The following LIMA1 variants were observed in gnomAD, a reference collection of about 807,000 sequenced individuals.
LIMA1 encodes the protein LIM domain and actin-binding protein 1.
A neutral mutation model predicts 62.6 loss-of-function variants in LIMA1; 52 were observed. The observed-to-expected ratio is 0.83, with a 90% CI of 0.67 to 1.05. The LOEUF (loss-of-function observed/expected upper bound fraction) is 1.05. LIMA1 is among the 50% of genes least tolerant of loss of function. The pLI is 0.00. For synonymous variants in LIMA1, 302 were observed against 317.8 expected, an observed-to-expected ratio of 0.95 and a Z score of 0.53; for missense variants, 780 against 902.2, an observed-to-expected ratio of 0.86 and a Z score of 1.74.
chr12:50,261,480 T>C (rs1191468928), intron 1 of LIMA1, among the ~76,000 whole-genome samples: 1 of 152,160 alleles, frequency 6.6e-6, no homozygotes, highest in Non-Finnish European at 1.5e-5. Context: ...AGCCATTCTC[T>C]GAGCACACTA....
chr12:50,269,734 C>CA (rs1257103481), intron 1 of LIMA1, among the ~76,000 whole-genome samples: 2 of 150,636 alleles, frequency 1.3e-5, no homozygotes, highest in African/African-American at 4.9e-5. Context: ...AGCTGACCAA[C>CA]ATGGAGAAAC....
intron 4 of LIMA1, among the ~76,000 whole-genome samples, chr12:50,208,497 A>G (rs892204355): frequency 2.6e-5 from 4 of 151,690 alleles, no homozygotes; most frequent in African/African-American, 4.8e-5. Flanking sequence ...AAAAAAACCA[A>G]AAGTTAGCTG....
intron 1 of LIMA1, among the ~76,000 whole-genome samples, chr12:50,272,569 G>T (rs545317453): frequency 7.1e-6 from 1 of 140,842 alleles, no homozygotes; most frequent in Non-Finnish European, 1.5e-5. Flanking sequence ...TCCAGCCTGG[G>T]CAACAAGAGC....
At chr12:50,226,223 A>T (rs915533730) in intron 3 of LIMA1, among the ~76,000 whole-genome samples, 3 of 151,642 alleles carry the variant, frequency 2.0e-5, no homozygotes, top group Admixed American at 1.3e-4. Context: ...AATTTTTAAA[A>T]TTTTTATAGA....
chr12:50,201,088 A>C, intron 6 of LIMA1: 1 of 1,361,868 alleles, frequency 7.3e-7, no homozygotes, highest in East Asian at 3.0e-5. Context: ...CTCAGAGTTA[A>C]ATATCTGTAT....
chr12:50,239,671 C>T (rs1382561057), intron 2 of LIMA1, among the ~76,000 whole-genome samples: 1 of 150,962 alleles, frequency 6.6e-6, no homozygotes, highest in South Asian at 2.1e-4. Flanking sequence ...CACATTGGAC[C>T]CCATACATAT....
At chr12:50,218,916 C>CAA (rs202162435) in intron 4 of LIMA1, among the ~76,000 whole-genome samples, 110 of 138,732 alleles carry the variant, frequency 7.9e-4, no homozygotes, top group African/African-American at 2.7e-3. Flanking sequence ...AAAACAAAAA[C>CAA]AAAAAAAAAA....
chr12:50,180,518 G>C (rs1391422398), intron 10 of LIMA1, among the ~76,000 whole-genome samples: 2 of 152,054 alleles, frequency 1.3e-5, no homozygotes, highest in Non-Finnish European at 2.9e-5. Context: ...ACCCAGGCTA[G>C]TCTTGAACTT....
At chr12:50,231,532 C>T in intron 3 of LIMA1, 133 bp downstream of exon 3, 3 of 821,732 alleles carry the variant, frequency 3.7e-6, no homozygotes, top group Non-Finnish European at 6.3e-6. Context: ...GCAAATGGCT[C>T]AGAGATCACA....
At position 50,273,209 on chromosome 12, in the gene LIMA1, C is replaced by T. The variant is rs149906017; in HGVS notation, c.-24+10211G>A. Among the ~76,000 whole-genome samples, 386 of 152,164 alleles carry T rather than the reference C, an allele frequency of 2.5e-3. 11 individuals carry two copies. In the East Asian group the frequency reaches 0.063, roughly 25 times the overall value. ...ACCTCAAGTGATCCGCCAGCCTTGG[C>T]CTCCTAAAGTGCTGGGATTACAGGC... is the stretch of plus-strand genomic sequence containing the variant. On this transcript the variant is annotated intron_variant, in intron 1 of 10. Coordinates refer to ENST00000341247, the MANE Select transcript of LIMA1 (RefSeq NM_016357.5).
chr12:50,259,622 T>G (rs1237842763), intron 1 of LIMA1, among the ~76,000 whole-genome samples: 1 of 152,156 alleles, frequency 6.6e-6, no homozygotes, highest in Non-Finnish European at 1.5e-5. Context: ...AACCACTAAA[T>G]AACATCAAAT....
Position 50,177,283 on chromosome 12 carries a change from A to T in LIMA1, c.2061T>A (p.Asp687Glu). ...ENLVENGADSDEDDNSFLKQQ... is the reference protein window; with the variant it reads ...ENLVENGADSEEDDNSFLKQQ... ...GTTTGAGGAAGCTGTTATCATCTTC[A>T]TCGGAGTCTGCACCATTTTCTACAA... The change falls in exon 11 of 11, where the codon GAT (aspartate) becomes GAA (glutamate). Residue 687 changes from aspartate (D) to glutamate (E), a missense_variant. By Grantham distance (45) the Asp-to-Glu change is conservative (BLOSUM62 2). Transcript: ENST00000341247. 5.0e-6 allele frequency: 8 copies of T among 1,614,154 alleles called. No individual in the cohort carries two copies. The highest frequency in any genetic ancestry group is 6.8e-6 in the Non-Finnish European group (8 of 1,180,020).
chr12:50,185,507 G>A, intron 9 of LIMA1: 1 of 455,634 alleles, frequency 2.2e-6, no homozygotes, highest in Admixed American at 2.4e-5. Context: ...GCCCTGGAGA[G>A]CTTTACTGCA....
intron 1 of LIMA1, among the ~76,000 whole-genome samples, chr12:50,279,383 T>G (rs550829130): frequency 6.6e-6 from 1 of 150,864 alleles, no homozygotes; most frequent in East Asian, 1.9e-4. Flanking sequence ...TTTTTATTTT[T>G]AAATGTGTTG....
chr12:50,178,066 T>C lies in LIMA1; in HGVS notation c.1278A>G (p.Leu426=), dbSNP rs764400686. ...RCSYCNNKLS[L]GTYASLHGRI... ...TTCCATGTAAAGATGCATATGTTCC[T>C]AGACTGTCATTAAAAGAAAAAAAGC... The change falls in exon 11 of 11, where the codon CTA becomes CTG. Residue 426 remains leucine, a synonymous_variant. Coordinates refer to ENST00000341247, the MANE Select transcript of LIMA1 (RefSeq NM_016357.5). 2.1e-6 allele frequency: 3 copies of C among 1,453,940 alleles called. No homozygotes were observed. The highest frequency in any genetic ancestry group is 2.9e-5 in the African/African-American group (2 of 69,178). The allele number at this position is 1,453,940 out of a possible 1,614,324, so 90.1% of individuals were successfully genotyped here.
chr12:50,249,847 T>A (rs1341484680), intron 1 of LIMA1: 1 of 151,920 alleles, frequency 6.6e-6, no homozygotes, highest in Non-Finnish European at 1.5e-5. Flanking sequence ...AAAAGAAAAA[T>A]AAAGTACTAC....
At chr12:50,227,824 G>A (rs1362304932) in intron 3 of LIMA1, among the ~76,000 whole-genome samples, 1 of 151,328 alleles carries the variant, frequency 6.6e-6, no homozygotes, top group African/African-American at 2.4e-5. Flanking sequence ...AGCCCACTCT[G>A]AGTATTTATT....
chr12:50,244,319 G>C (rs1941818153), intron 2 of LIMA1, among the ~76,000 whole-genome samples: 2 of 152,096 alleles, frequency 1.3e-5, no homozygotes, highest in South Asian at 4.1e-4. Flanking sequence ...TGGCCAGGCT[G>C]GTCTTGAACT....
intron 1 of LIMA1, among the ~76,000 whole-genome samples, chr12:50,253,251 C>T (rs1381746733): frequency 6.6e-6 from 1 of 152,130 alleles, no homozygotes; most frequent in Non-Finnish European, 1.5e-5. Context: ...AAATTCAAAG[C>T]TAAAGTTAGA....
Sources: allele counts gnomAD v4.1 joint callset (sites outside exome capture counted in the v4.1 genomes callset), GRCh38; gene constraint gnomAD v4.1.1; transcripts MANE v1.5; gene names NCBI Gene and HGNC (gene_info 2026-07-23, HGNC 2026-07-21).